HSPA12A: variants seen among roughly 807,000 people sequenced by gnomAD.
HSPA12A encodes the protein heat shock 70 kDa protein 12A.
In HSPA12A, 28 loss-of-function variants were observed where a neutral mutation model predicts 69.2. That is an observed-to-expected ratio of 0.40 (90% CI 0.30 to 0.55). The LOEUF (loss-of-function observed/expected upper bound fraction) is 0.55, where lower values mean the gene tolerates loss of function less well. Among genes scored for constraint, HSPA12A ranks in the 20% least tolerant of loss-of-function variants. HSPA12A has a pLI of 0.38. For missense variants in HSPA12A, 686 were observed against 900.7 expected, an observed-to-expected ratio of 0.76 and a Z score of 3.05; for synonymous variants, 345 against 370.5, an observed-to-expected ratio of 0.93 and a Z score of 0.79.
chr10:116,679,880 A>G lies in HSPA12A; in HGVS notation c.1028-119T>C, dbSNP rs1389234243. 2.9e-5 allele frequency: 29 copies of G among 1,000,108 alleles called. 1 individual carries two copies. Among genetic ancestry groups the G allele is most frequent in the East Asian group, 7.3e-5 (3 of 41,140 alleles). The allele number at this position is 1,000,108 out of a possible 1,614,324, so 62.0% of individuals were successfully genotyped here. A position where few individuals can be genotyped will look rare whatever the true frequency, so the allele number is the denominator to read the frequency against. On this transcript the variant is annotated intron_variant, in intron 9 of 11. Coordinates refer to ENST00000369209, the MANE Select transcript of HSPA12A (RefSeq NM_025015.3). The stretch of plus-strand genomic sequence containing the variant: ...GCCACTTAGCAATGGGACGGCAGCT[A>G]TAAGTGTTTACTTACACTTCAGAAC...
intron 1 of HSPA12A, among the ~76,000 whole-genome samples, chr10:116,722,506 G>C (rs537158976): frequency 3.3e-5 from 5 of 152,250 alleles, no homozygotes; most frequent in African/African-American, 1.2e-4. Flanking sequence ...AACAAGAAGA[G>C]TTCCAGGAGC....
At position 116,692,340 on chromosome 10, in the gene HSPA12A, T is replaced by C. The variant is rs1849761672; in HGVS notation, c.663+11A>G. ...TCCTCCGGCTTCCACCCGCCCTGACTCTACCCTCACCTGGTAGGCAGCTTG... is the reference window on the plus strand; with the variant it reads ...TCCTCCGGCTTCCACCCGCCCTGACCCTACCCTCACCTGGTAGGCAGCTTG... On this transcript the variant is annotated intron_variant, in intron 6 of 11. Transcript: ENST00000369209. The C allele has an allele frequency of 3.1e-6, 5 of 1,609,944 alleles. No individual in the cohort carries two copies. Among genetic ancestry groups the C allele is most frequent in the Middle Eastern group, 1.7e-4 (1 of 6,054 alleles).
chr10:116,726,283 G>A (rs1158357019), intron 1 of HSPA12A, among the ~76,000 whole-genome samples: 1 of 152,080 alleles, frequency 6.6e-6, no homozygotes, highest in Non-Finnish European at 1.5e-5. Context: ...TGAATAAACT[G>A]CAAGAACCCC....
chr10:116,676,556 A>T, intron 10 of HSPA12A, 54 bp from the exon 11 acceptor site: 1 of 1,385,800 alleles, frequency 7.2e-7, no homozygotes, highest in Non-Finnish European at 1.0e-6. Context: ...CACGATACCC[A>T]GGCTTATCTG....
At chr10:116,756,617 C>G (rs1441411414) in intron 2 of HSPA12A, among the ~76,000 whole-genome samples, 1 of 152,248 alleles carries the variant, frequency 6.6e-6, no homozygotes, top group Non-Finnish European at 1.5e-5. Flanking sequence ...GCCTCTCAGC[C>G]TGTTCTGAAT....
chr10:116,742,354 G>A (rs1851540131), intron 1 of HSPA12A, 76 bp downstream of exon 1: 2 of 1,355,116 alleles, frequency 1.5e-6, no homozygotes, highest in East Asian at 3.3e-5. Flanking sequence ...GAGGGGGTGC[G>A]GAGCGTTGGG....
At chr10:116,708,672 G>A (rs1850333160) in intron 1 of HSPA12A, among the ~76,000 whole-genome samples, 2 of 152,204 alleles carry the variant, frequency 1.3e-5, no homozygotes, top group South Asian at 2.1e-4. Context: ...ATCTTGGGGA[G>A]GGAGAGGCAC....
Position 116,672,518 on chromosome 10 carries a change from C to G in HSPA12A, c.*2263G>C, listed in dbSNP as rs934778132. 2 of 152,310 alleles carry G rather than the reference C, an allele frequency of 1.3e-5. No individual in the cohort carries two copies. Among genetic ancestry groups the G allele is most frequent in the Non-Finnish European group, 2.9e-5 (2 of 68,042 alleles). 9.4% of individuals were successfully genotyped at this position (152,310 alleles called of 1,614,324 possible). On this transcript the variant is annotated 3_prime_UTR_variant, in exon 12 of 12. Transcript: ENST00000369209. The stretch of plus-strand genomic sequence containing the variant: ...ACCCTAGGCACCTCTGTCTATTGCT[C>G]GGTCTTGCGTACATAGTCCATAGCT...
chr10:116,842,079 C>G (rs1243280386), intron 1 of HSPA12A, among the ~76,000 whole-genome samples: 1 of 152,142 alleles, frequency 6.6e-6, no homozygotes, highest in African/African-American at 2.4e-5. Context: ...TTGCTAATAA[C>G]AAACAGATAA....
chr10:116,700,301 G>A (rs1242948681), intron 4 of HSPA12A, among the ~76,000 whole-genome samples: 1 of 152,172 alleles, frequency 6.6e-6, no homozygotes, highest in Admixed American at 6.5e-5. Flanking sequence ...AAAAAGTTCT[G>A]TCCTATGCCC....
At chr10:116,735,724 C>A (rs111466400) in intron 1 of HSPA12A, among the ~76,000 whole-genome samples, 1 of 151,866 alleles carries the variant, frequency 6.6e-6, no homozygotes, top group Non-Finnish European at 1.5e-5. Flanking sequence ...TTGCCAGGCA[C>A]GGTGGCTCAT....
At chr10:116,815,344 T>G (rs924420351) in intron 2 of HSPA12A, among the ~76,000 whole-genome samples, 13 of 151,094 alleles carry the variant, frequency 8.6e-5, no homozygotes, top group Non-Finnish European at 1.8e-4. Context: ...GACAGGCAGA[T>G]CACTTGAGGC....
chr10:116,675,533 C>G lies in HSPA12A; in HGVS notation c.1391-115G>C, dbSNP rs936797365. 9.2e-7 allele frequency: 1 copy of G among 1,083,578 alleles called. No homozygotes were observed. The highest frequency in any genetic ancestry group is 1.6e-5 in the African/African-American group (1 of 62,624). 67.1% of individuals were successfully genotyped at this position (1,083,578 alleles called of 1,614,324 possible). A position where few individuals can be genotyped will look rare whatever the true frequency, so the allele number is the denominator to read the frequency against. On this transcript the variant is annotated intron_variant, in intron 11 of 11. Coordinates refer to ENST00000369209, the MANE Select transcript of HSPA12A (RefSeq NM_025015.3). The surrounding 1 kb of genome is among the most constrained non-coding windows in gnomAD (Gnocchi z 5.2). ...AAAGCCACTTGGGCCACTGGGAGGG[C>G]AGGCTTACTCTGAGCTCCTTGAACA...
At chr10:116,726,027 G>GCGCACACACA (rs140160132) in intron 1 of HSPA12A, among the ~76,000 whole-genome samples, 10 of 146,114 alleles carry the variant, frequency 6.8e-5, no homozygotes, top group African/African-American at 2.1e-4. Context: ...ACACACACAC[G>GCGCACACACA]CACACACACA....
intron 2 of HSPA12A, chr10:116,829,178 G>T (rs553568724): frequency 1.3e-5 from 2 of 152,292 alleles, no homozygotes; most frequent in East Asian, 3.9e-4. Context: ...TCCCATGGTA[G>T]TGAATAAGTC....
intron 1 of HSPA12A, among the ~76,000 whole-genome samples, chr10:116,842,614 T>G (rs563033697): frequency 9.9e-5 from 15 of 150,862 alleles, no homozygotes; most frequent in African/African-American, 3.6e-4. Context: ...AAGAGTTTGT[T>G]TTTGTTTTTG....
intron 5 of HSPA12A, 121 bp from the exon 6 acceptor site, chr10:116,692,588 C>A (rs2240710): frequency 7.0e-6 from 5 of 711,504 alleles, no homozygotes; most frequent in African/African-American, 1.8e-5. Context: ...GTTTCAGGGT[C>A]CCCCAAACTT....
At chr10:116,753,403 C>G (rs953947041) in intron 2 of HSPA12A, among the ~76,000 whole-genome samples, 21 of 152,230 alleles carry the variant, frequency 1.4e-4, no homozygotes, top group Admixed American at 4.6e-4. Flanking sequence ...TAACACCCAG[C>G]CTGGGCTCAG....
At chr10:116,787,909 C>T (rs1288569968) in intron 2 of HSPA12A, among the ~76,000 whole-genome samples, 1 of 152,124 alleles carries the variant, frequency 6.6e-6, no homozygotes, top group Non-Finnish European at 1.5e-5. Flanking sequence ...TCAGGTCAGA[C>T]TCTGAAGGTA....
Sources: gnomAD v4.1 joint callset for allele counts (sites outside exome capture counted in the v4.1 genomes callset) on GRCh38, gnomAD v4.1.1 for gene constraint, Gnocchi (gnomAD v3.1) non-coding constraint, MANE v1.5 for transcripts, NCBI Gene and HGNC (gene_info 2026-07-23, HGNC 2026-07-21) for gene names.